ZMYM1: variants seen among roughly 807,000 people sequenced by gnomAD.
ZMYM1 encodes zinc finger MYM-type containing 1, also known as zinc finger MYM-type protein 1.
In ZMYM1, 39 loss-of-function variants were observed where a neutral mutation model predicts 60.0. The observed-to-expected ratio is 0.65, with a 90% CI of 0.50 to 0.85. The LOEUF (loss-of-function observed/expected upper bound fraction) is 0.85. ZMYM1 is among the 40% of genes least tolerant of loss of function. The pLI is 0.00. For synonymous variants in ZMYM1, 413 were observed against 454.0 expected, an observed-to-expected ratio of 0.91 and a Z score of 1.15; for missense variants, 1,171 against 1,309.5, an observed-to-expected ratio of 0.89 and a Z score of 1.63.
intron 4 of ZMYM1, among the ~76,000 whole-genome samples, chr1:35,102,582 A>G (rs1419135148): frequency 6.6e-6 from 1 of 152,222 alleles, no homozygotes; most frequent in Non-Finnish European, 1.5e-5. Flanking sequence ...ATTGTTGGCG[A>G]TAAATACTGT....
upstream of ZMYM1, among the ~76,000 whole-genome samples, chr1:35,074,898 T>C (rs1258917535): frequency 6.7e-6 from 1 of 149,150 alleles, no homozygotes; most frequent in Non-Finnish European, 1.5e-5. Flanking sequence ...TCTCCCTCCA[T>C]CGCCCAGGCT....
rs1261783506 is a variant in ZMYM1 at position 35,091,044 on chromosome 1, G to A, written c.-74-2870G>A. 2.6e-5 allele frequency among the ~76,000 whole-genome samples: 4 copies of A among 151,512 alleles called. No individual in the cohort carries two copies. The East Asian group carries it at 5.8e-4, about 22-fold the overall frequency. On this transcript the variant is annotated intron_variant, in intron 1 of 9. Coordinates refer to ENST00000359858, the MANE Select transcript of ZMYM1 (RefSeq NM_024772.5). Reference sequence around the variant, plus strand: ...ATTCCAGGTTAATCCTAGATTTCTGGCATGGGAAATTAGGTATATGACACT... The same window carrying A: ...ATTCCAGGTTAATCCTAGATTTCTGACATGGGAAATTAGGTATATGACACT...
At chr1:35,067,854 G>C (rs888998247) in intron 1 of ZMYM1, among the ~76,000 whole-genome samples, 3 of 151,406 alleles carry the variant, frequency 2.0e-5, no homozygotes, top group Admixed American at 6.6e-5. Flanking sequence ...CAGTCTAGGC[G>C]ACAAGAGCAA....
At chr1:35,079,682 C>T (rs1569858803) in intron 1 of ZMYM1, among the ~76,000 whole-genome samples, 1 of 152,108 alleles carries the variant, frequency 6.6e-6, no homozygotes, top group African/African-American at 2.4e-5. Context: ...TAGTGCTCCC[C>T]GCTTCCAGCG....
At position 35,079,693 on chromosome 1, in the gene ZMYM1, A is replaced by C. The variant is rs533588825; in HGVS notation, c.-75+251A>C. On this transcript the variant is annotated intron_variant, in intron 1 of 9. Transcript: ENST00000359858. ...GGGTTAGTGCTCCCCGCTTCCAGCG[A>C]TTCTCGCCGCCTCCTGCTCCTGTGT... 1.4e-3 allele frequency among the ~76,000 whole-genome samples: 210 copies of C among 152,236 alleles called. 1 individual carries two copies. The highest frequency in any genetic ancestry group is 2.1e-3 in the Non-Finnish European group (144 of 68,016).
At chr1:35,101,509 T>C (rs1398627742) in intron 4 of ZMYM1, among the ~76,000 whole-genome samples, 4 of 149,908 alleles carry the variant, frequency 2.7e-5, no homozygotes, top group Non-Finnish European at 5.9e-5. Flanking sequence ...CTTCCATGCG[T>C]CGCTGATGTA....
chr1:35,068,647 A>ATAT (rs1178477801), intron 1 of ZMYM1, among the ~76,000 whole-genome samples: 109 of 149,398 alleles, frequency 7.3e-4, no homozygotes, highest in African/African-American at 2.5e-3. Context: ...CGCAAAAAAA[A>ATAT]AAATATATAT....
chr1:35,095,486 G>A (rs1473518419), intron 2 of ZMYM1, among the ~76,000 whole-genome samples: 3 of 134,868 alleles, frequency 2.2e-5, no homozygotes, highest in Non-Finnish European at 4.6e-5. Context: ...GTGAGATCTT[G>A]TCTCAAAAAA....
chr1:35,099,246 C>G (rs1260693601), intron 4 of ZMYM1, among the ~76,000 whole-genome samples: 1 of 152,144 alleles, frequency 6.6e-6, no homozygotes, highest in Admixed American at 6.6e-5. Flanking sequence ...ACTTACCATT[C>G]TCTTTTGCTT....
chr1:35,073,313 G>A lies in ZMYM1; in HGVS notation c.-300-5681G>A, dbSNP rs545230531. 6.7e-3 allele frequency among the ~76,000 whole-genome samples: 794 copies of A among 119,096 alleles called. 6 individuals are homozygous for A. The highest frequency in any genetic ancestry group is 0.024 in the African/African-American group (738 of 31,318). 78.1% of individuals were successfully genotyped at this position (119,096 alleles called of 152,430 possible). On this transcript the variant is annotated intron_variant, in intron 1 of 10. Transcript: ENST00000417119. ...AGGAAAGGAAGAAGGAAGGAAGGAA[G>A]AAAAAAAGAAAGGGAGAAAGAAAGA... is the stretch of plus-strand genomic sequence containing the variant.
rs771806422 is a variant in ZMYM1 at position 35,063,948 on chromosome 1, G to A, written c.-301+4023G>A. Among the ~76,000 whole-genome samples the A allele has an allele frequency of 1.8e-4, 27 of 152,164 alleles. 1 individual carries two copies. The highest frequency in any genetic ancestry group is 3.3e-4 in the Admixed American group (5 of 15,262). On this transcript the variant is annotated intron_variant, in intron 1 of 10. Coordinates refer to the ZMYM1 transcript ENST00000417119. ...ATTTCCCTAAAAGGGAGATCAAGGTGTTTACAGATAGGTGGAGAGATAGAT... is the reference window on the plus strand; with the variant it reads ...ATTTCCCTAAAAGGGAGATCAAGGTATTTACAGATAGGTGGAGAGATAGAT...
chr1:35,076,929 C>CT (rs1179804654), upstream of ZMYM1, among the ~76,000 whole-genome samples: 2 of 145,130 alleles, frequency 1.4e-5, no homozygotes, highest in Admixed American at 1.4e-4. Context: ...GAGCAAAACT[C>CT]TGTCTCAAAA....
At chr1:35,063,048 A>G (rs1641903489) in intron 1 of ZMYM1, among the ~76,000 whole-genome samples, 1 of 149,694 alleles carries the variant, frequency 6.7e-6, no homozygotes, top group African/African-American at 2.5e-5. Flanking sequence ...AGGGACCCAG[A>G]CTCCTTCCGT....
intron 1 of ZMYM1, among the ~76,000 whole-genome samples, chr1:35,073,791 A>G (rs527441478): frequency 5.8e-4 from 88 of 152,064 alleles, no homozygotes; most frequent in African/African-American, 2.0e-3. Flanking sequence ...CTGTGTCCCT[A>G]TGATTTTGTG....
At chr1:35,069,975 T>TTTTG (rs1642039166) in intron 1 of ZMYM1, among the ~76,000 whole-genome samples, 3 of 152,326 alleles carry the variant, frequency 2.0e-5, no homozygotes, top group Admixed American at 6.5e-5. Context: ...TACCATGCTG[T>TTTTG]TTTGGTTACT....
Position 35,112,090 on chromosome 1 carries a change from C to G in ZMYM1, c.1106C>G (p.Thr369Arg), listed in dbSNP as rs780119073. The change falls in exon 9 of 10, where the codon ACA becomes AGA. Residue 369 changes from threonine (T) to arginine (R), a missense_variant. Coordinates refer to ENST00000359858, the MANE Select transcript of ZMYM1 (RefSeq NM_024772.5). ...AATTTATGCTCTATTTTAACAGATA[C>G]AGTTTCTTCAGTAACAGCAACAGCA... ...PIMNTDVLQD[T>R]VSSVTATADV... is the part of the protein sequence containing the mutation. The G allele has an allele frequency of 1.2e-6, 2 of 1,612,888 alleles. No homozygotes were observed. The highest frequency in any genetic ancestry group is 1.1e-5 in the South Asian group (1 of 90,890).
At chr1:35,070,427 G>A (rs1642046736) in intron 1 of ZMYM1, among the ~76,000 whole-genome samples, 1 of 152,006 alleles carries the variant, frequency 6.6e-6, no homozygotes, top group Non-Finnish European at 1.5e-5. Context: ...TTTCTATGTT[G>A]ATTTTGTATC....
intron 6 of ZMYM1, among the ~76,000 whole-genome samples, chr1:35,108,820 C>T (rs1643987606): frequency 6.6e-6 from 1 of 151,070 alleles, no homozygotes; most frequent in South Asian, 2.1e-4. Context: ...AAGCAATCCT[C>T]CTGCCTCAGC....
chr1:35,069,750 A>G (rs888118629), intron 1 of ZMYM1, among the ~76,000 whole-genome samples: 4 of 152,136 alleles, frequency 2.6e-5, no homozygotes, highest in African/African-American at 9.7e-5. Flanking sequence ...ATTCATTTTG[A>G]ATTGAATTTT....
Sources: gnomAD v4.1 joint callset for allele counts (sites outside exome capture counted in the v4.1 genomes callset) on GRCh38, gnomAD v4.1.1 for gene constraint, MANE v1.5 for transcripts, NCBI Gene and HGNC (gene_info 2026-07-23, HGNC 2026-07-21) for gene names.